The following RALGAPA2 variants were observed in gnomAD, a reference collection of about 807,000 sequenced individuals.
RALGAPA2 encodes ral GTPase-activating protein subunit alpha-2.
Under a neutral mutation model 230.4 loss-of-function variants are expected in RALGAPA2, and 139 were observed. The ratio of observed to expected loss-of-function variants is 0.60; its 90% CI spans 0.53 to 0.69. The LOEUF is 0.69. RALGAPA2 is among the 30% of genes least tolerant of loss of function. The pLI, the probability that RALGAPA2 is intolerant of heterozygous loss-of-function variation, is 0.00. For synonymous variants in RALGAPA2, 847 were observed against 837.8 expected (o/e 1.01, Z -0.19); for missense variants, 2,163 against 2,276.0 (o/e 0.95, Z 1.01).
intron 35 of RALGAPA2, among the ~76,000 whole-genome samples, chr20:20,500,232 C>G (rs1345047994): frequency 6.6e-6 from 1 of 152,094 alleles, no homozygotes; most frequent in Non-Finnish European, 1.5e-5. Flanking sequence ...GAAATTGCCA[C>G]ATTGATTGAC....
intron 23 of RALGAPA2, among the ~76,000 whole-genome samples, chr20:20,551,020 C>T (rs2063909696): frequency 6.6e-6 from 1 of 152,150 alleles, no homozygotes; most frequent in South Asian, 2.1e-4. Flanking sequence ...CCCAGAAATT[C>T]AAAAGCTCTA....
At chr20:20,613,440 T>A (rs1474635997) in intron 13 of RALGAPA2, among the ~76,000 whole-genome samples, 2 of 152,202 alleles carry the variant, frequency 1.3e-5, no homozygotes, top group Non-Finnish European at 2.9e-5. Flanking sequence ...ACAGCCCTGG[T>A]CTCAGCCACC....
At position 20,398,293 on chromosome 20, in the gene RALGAPA2, C is replaced by T. The variant is rs889419958; in HGVS notation, c.5618-1559G>A. ...CGTACAGGCACCCGATTGGTAGAAA[C>T]CAAGAAAGCAGATGGCGCAGCTAAC... On this transcript the variant is annotated intron_variant, in intron 38 of 39. Coordinates refer to ENST00000202677, the MANE Select transcript of RALGAPA2 (RefSeq NM_020343.4). The surrounding 1 kb of genome is among the most constrained non-coding windows in gnomAD (Gnocchi z 4.5). Among the ~76,000 whole-genome samples, 8 of 152,184 alleles carry T rather than the reference C, an allele frequency of 5.3e-5. No homozygotes were observed. The highest frequency in any genetic ancestry group is 3.9e-4 in the East Asian group (2 of 5,190).
rs748187898 is a variant in RALGAPA2, at chr20:20,629,437, C to T, written c.1159G>A (p.Val387Met). The T allele has an allele frequency of 6.2e-7, 1 of 1,613,894 alleles. No homozygotes were observed. The stretch of plus-strand genomic sequence containing the variant: ...AGAATCCGCTGTACCATTTCATACA[C>T]CATTCGGTGCTCTTCTTCAATGCTA... ...LCSIEEEHRMVYEMVQRILLS... is the reference protein window; with the variant it reads ...LCSIEEEHRMMYEMVQRILLS... Residue 387 changes from valine (V) to methionine (M), a missense_variant, in exon 10 of 40, where the codon GTG becomes ATG. Val to Met is a conservative substitution (Grantham distance 21, BLOSUM62 1). Transcript: ENST00000202677.
intron 37 of RALGAPA2, among the ~76,000 whole-genome samples, chr20:20,435,519 C>T (rs776327173): frequency 1.4e-4 from 21 of 152,270 alleles, no homozygotes; most frequent in Non-Finnish European, 2.4e-4. Flanking sequence ...ATAAAGTGTA[C>T]GGAATCATAT....
intron 36 of RALGAPA2, among the ~76,000 whole-genome samples, chr20:20,483,621 T>A (rs573240699): frequency 6.6e-6 from 1 of 152,246 alleles, no homozygotes; most frequent in South Asian, 2.1e-4. Context: ...GATCTGCCAA[T>A]AACAAAGCAC....
chr20:20,463,619 C>T (rs879504997), intron 37 of RALGAPA2, among the ~76,000 whole-genome samples: 3 of 152,154 alleles, frequency 2.0e-5, no homozygotes, highest in Non-Finnish European at 4.4e-5. Flanking sequence ...GATTCCATGT[C>T]TCTTCCTTGC....
At chr20:20,487,110 G>C (rs1335734479) in intron 36 of RALGAPA2, among the ~76,000 whole-genome samples, 1 of 152,046 alleles carries the variant, frequency 6.6e-6, no homozygotes, top group Non-Finnish European at 1.5e-5. Context: ...TGTTTATTTT[G>C]CCTTTTAGTG....
chr20:20,467,562 CATTGATTGATTG>C (rs151295621), intron 37 of RALGAPA2, among the ~76,000 whole-genome samples: 10 of 151,972 alleles, frequency 6.6e-5, no homozygotes, highest in African/African-American at 1.5e-4. Flanking sequence ...GTGCAAGAGC[CATTGATTGATTG>C]ATTGATTGAT....
At chr20:20,475,617 G>A (rs1179859182) in intron 36 of RALGAPA2, among the ~76,000 whole-genome samples, 4 of 152,048 alleles carry the variant, frequency 2.6e-5, no homozygotes, top group Non-Finnish European at 4.4e-5. Flanking sequence ...AGAGCTTAAA[G>A]GGGGAAAAAG....
At chr20:20,419,588 C>T (rs368937183) in intron 37 of RALGAPA2, among the ~76,000 whole-genome samples, 14 of 152,096 alleles carry the variant, frequency 9.2e-5, no homozygotes, top group Admixed American at 2.6e-4. Flanking sequence ...AACATGGATA[C>T]GAATGCCACC....
intron 3 of RALGAPA2, among the ~76,000 whole-genome samples, chr20:20,665,704 T>C (rs6082091): frequency 0.053 from 8,124 of 152,304 alleles, 297 homozygotes; most frequent in East Asian, 0.16. Context: ...ATGGACCACA[T>C]GTTTATATTT....
chr20:20,478,338 C>T (rs1448090545), intron 36 of RALGAPA2, among the ~76,000 whole-genome samples: 4 of 151,708 alleles, frequency 2.6e-5, no homozygotes, highest in Non-Finnish European at 5.9e-5. Flanking sequence ...AGATAGGCAC[C>T]CATCTCAAGA....
intron 16 of RALGAPA2, among the ~76,000 whole-genome samples, chr20:20,599,133 C>T (rs975778404): frequency 2.0e-5 from 3 of 152,152 alleles, no homozygotes; most frequent in Non-Finnish European, 4.4e-5. Context: ...CCTGGACAGA[C>T]ATTATAATCA....
chr20:20,402,231 T>C (rs1046478555), intron 38 of RALGAPA2, among the ~76,000 whole-genome samples: 19 of 152,332 alleles, frequency 1.2e-4, no homozygotes, highest in African/African-American at 4.1e-4. Flanking sequence ...GAGGGGGGAC[T>C]CTGGGGAAAG....
At chr20:20,492,723 C>G (rs1485045028) in intron 36 of RALGAPA2, among the ~76,000 whole-genome samples, 2 of 152,188 alleles carry the variant, frequency 1.3e-5, no homozygotes, top group African/African-American at 4.8e-5. Flanking sequence ...CCCTCATTGT[C>G]CGTAATATCC....
At chr20:20,427,030 C>T (rs1043725368) in intron 37 of RALGAPA2, among the ~76,000 whole-genome samples, 1 of 152,192 alleles carries the variant, frequency 6.6e-6, no homozygotes, top group African/African-American at 2.4e-5. Flanking sequence ...CTCTCAGATG[C>T]TACCAGCAGC....
chr20:20,429,755 T>C (rs928218944), intron 37 of RALGAPA2, among the ~76,000 whole-genome samples: 2 of 152,220 alleles, frequency 1.3e-5, no homozygotes, highest in African/African-American at 4.8e-5. Context: ...GCAGAGCGTC[T>C]CACGGTAAAG....
At chr20:20,486,197 C>T (rs568263219) in intron 36 of RALGAPA2, among the ~76,000 whole-genome samples, 6 of 151,730 alleles carry the variant, frequency 4.0e-5, no homozygotes, top group Admixed American at 6.6e-5. Flanking sequence ...TTCTCTAAAG[C>T]TTTTCCCTTC....
Sources: gnomAD v4.1 joint callset for allele counts (sites outside exome capture counted in the v4.1 genomes callset) on GRCh38, gnomAD v4.1.1 for gene constraint, Gnocchi (gnomAD v3.1) non-coding constraint, MANE v1.5 for transcripts, NCBI Gene and HGNC (gene_info 2026-07-23, HGNC 2026-07-21) for gene names.